Variants in RFX7 observed in about 807,000 individuals in gnomAD.
The protein encoded by RFX7 is regulatory factor X7, also known as DNA-binding protein RFX7.
A neutral mutation model predicts 111.8 loss-of-function variants in RFX7; 26 were observed. The observed-to-expected ratio is 0.23, with a 90% CI of 0.17 to 0.32. The LOEUF is 0.32. Ranked by LOEUF, RFX7 falls within the 10% of genes least tolerant of loss-of-function variation. RFX7 has a pLI of 1.00. For missense variants in RFX7, 1,573 were observed against 1,772.9 expected, an observed-to-expected ratio of 0.89 and a Z score of 2.02; for synonymous variants, 624 against 624.4, an observed-to-expected ratio of 1.00 and a Z score of 0.01.
At chr15:56,169,996 T>C (rs1192982680) in intron 3 of RFX7, among the ~76,000 whole-genome samples, 3 of 152,134 alleles carry the variant, frequency 2.0e-5, no homozygotes, top group African/African-American at 7.2e-5. Context: ...CCCAAAAATA[T>C]TTCCAAATAT....
chr15:56,094,693 C>T lies in RFX7; in HGVS notation c.3035G>A (p.Ser1012Asn). The T allele has an allele frequency of 6.2e-7, 1 of 1,613,934 alleles. No homozygotes were observed. Among genetic ancestry groups the T allele is most frequent in the Non-Finnish European group, 8.5e-7 (1 of 1,179,872 alleles). The stretch of plus-strand genomic sequence containing the variant: ...GCATTCAACAGGGCTGGGGGGGACA[C>T]TACTGCTGCAGTTAGAATGTGGAGT... ...IGTPHSNCSS[S>N]VPPSPVECRN... is the part of the protein sequence containing the mutation. The change falls in exon 10 of 10, where the codon AGT becomes AAT. Residue 1012 changes from serine (S) to asparagine (N), a missense_variant. Ser to Asn is a conservative substitution (Grantham distance 46, BLOSUM62 1). This residue lies in a region of RFX7 where 625 missense variants were observed against 632.2 expected (regional missense o/e 0.99). Transcript: ENST00000559447.
intron 2 of RFX7, among the ~76,000 whole-genome samples, chr15:56,213,874 T>C (rs184942738): frequency 3.3e-5 from 5 of 152,372 alleles, no homozygotes; most frequent in South Asian, 2.1e-4. Flanking sequence ...GTATATATTT[T>C]ATTCTAGTAT....
At chr15:56,243,040 G>GCGGCCCCC in intron 2 of RFX7, 85 bp downstream of exon 2, 2 of 570,718 alleles carry the variant, frequency 3.5e-6, no homozygotes, top group Non-Finnish European at 6.2e-6. Context: ...CTCCTCCTCC[G>GCGGCCCCC]CTCCCCCCGC....
chr15:56,119,454 C>A (rs2042047597), intron 5 of RFX7, among the ~76,000 whole-genome samples: 1 of 152,094 alleles, frequency 6.6e-6, no homozygotes, highest in Non-Finnish European at 1.5e-5. Context: ...TGTATTTCCC[C>A]AGTGTATGCT....
At chr15:56,240,811 G>C (rs2043681035) in intron 2 of RFX7, among the ~76,000 whole-genome samples, 1 of 151,988 alleles carries the variant, frequency 6.6e-6, no homozygotes, top group African/African-American at 2.4e-5. Context: ...TAATATTATT[G>C]TCTCAAAAAT....
At chr15:56,141,939 A>T (rs1273375588) in intron 5 of RFX7, among the ~76,000 whole-genome samples, 1 of 151,960 alleles carries the variant, frequency 6.6e-6, no homozygotes, top group Non-Finnish European at 1.5e-5. Context: ...TTGGTGAGGT[A>T]GTAAGAACTG....
intron 2 of RFX7, among the ~76,000 whole-genome samples, chr15:56,219,816 C>T (rs1189384263): frequency 6.6e-6 from 1 of 152,174 alleles, no homozygotes; most frequent in Non-Finnish European, 1.5e-5. Context: ...AATAGTGCTG[C>T]AGTGAAAATA....
chr15:56,241,918 G>A (rs886393400), intron 2 of RFX7, among the ~76,000 whole-genome samples: 7 of 152,172 alleles, frequency 4.6e-5, no homozygotes, highest in African/African-American at 7.2e-5. Context: ...CTTCATATCA[G>A]CATCATGACG....
chr15:56,116,130 T>C (rs1447158549), intron 5 of RFX7, among the ~76,000 whole-genome samples: 2 of 152,190 alleles, frequency 1.3e-5, no homozygotes, highest in Non-Finnish European at 2.9e-5. Flanking sequence ...AGTTATTCAA[T>C]AGTTGGGAAC....
At chr15:56,231,047 A>T (rs2043549927) in intron 2 of RFX7, among the ~76,000 whole-genome samples, 1 of 152,218 alleles carries the variant, frequency 6.6e-6, no homozygotes, top group African/African-American at 2.4e-5. Context: ...AAAAGATGTA[A>T]AGCAGGAATT....
At chr15:56,234,804 A>G (rs2043604839) in intron 2 of RFX7, among the ~76,000 whole-genome samples, 1 of 152,246 alleles carries the variant, frequency 6.6e-6, no homozygotes, top group African/African-American at 2.4e-5. Context: ...TTTCAGATAT[A>G]TTCAATCTCC....
intron 5 of RFX7, among the ~76,000 whole-genome samples, chr15:56,129,531 C>T (rs1400411727): frequency 6.6e-6 from 1 of 152,010 alleles, no homozygotes; most frequent in Non-Finnish European, 1.5e-5. Context: ...AGGAAAAAAA[C>T]TGTTGAACCT....
chr15:56,191,526 T>C lies in RFX7; in HGVS notation c.162-12223A>G, dbSNP rs1170291625. ...CTGCACTTTATAAAAGCAGATAACA[T>C]TTGACTTTTAAATATTTCATAATTT... On this transcript the variant is annotated intron_variant, in intron 2 of 9. Coordinates refer to ENST00000559447, the MANE Select transcript of RFX7 (RefSeq NM_022841.7). 1.3e-5 allele frequency among the ~76,000 whole-genome samples: 2 copies of C among 152,210 alleles called. 1 individual carries two copies. Among genetic ancestry groups the C allele is most frequent in the East Asian group, 3.8e-4 (2 of 5,204 alleles).
rs574657643 is a variant in RFX7 at position 56,160,877 on chromosome 15, G to A, written c.196-16394C>T. 3.9e-5 allele frequency: 6 copies of A among 152,080 alleles called. No homozygotes were observed. In the East Asian group the frequency reaches 1.2e-3, roughly 29 times the overall value. The allele number at this position is 152,080 out of a possible 1,614,324, so 9.4% of individuals were successfully genotyped here. A position where few individuals can be genotyped will look rare whatever the true frequency, so the allele number is the denominator to read the frequency against. On this transcript the variant is annotated intron_variant, in intron 3 of 9. Coordinates refer to ENST00000559447, the MANE Select transcript of RFX7 (RefSeq NM_022841.7). ...TCCTAACTTGTTATGAGGACCACTGGGGGTGGCAGGGATAAGTGATTTTCT... is the reference window on the plus strand; with the variant it reads ...TCCTAACTTGTTATGAGGACCACTGAGGGTGGCAGGGATAAGTGATTTTCT...
intron 5 of RFX7, among the ~76,000 whole-genome samples, chr15:56,116,448 C>T (rs1198659370): frequency 6.6e-6 from 1 of 152,086 alleles, no homozygotes; most frequent in African/African-American, 2.4e-5. Flanking sequence ...AGTGATCAGC[C>T]CTCAATTTTA....
Position 56,093,420 on chromosome 15 carries a change from G to A in RFX7, c.4308C>T (p.Ser1436=), listed in dbSNP as rs1184499458. Residue 1436 remains serine, a synonymous_variant, in exon 10 of 10, where the codon TCC becomes TCT. Transcript: ENST00000559447. ...AACCTGATGAAGTCATAGAATTCATGGATTCACTGCAAATTTGTTGAAATA... is the reference window on the plus strand; with the variant it reads ...AACCTGATGAAGTCATAGAATTCATAGATTCACTGCAAATTTGTTGAAATA... ...DPLFQQICSE[S]MNSMTSSGFE... 6.2e-7 allele frequency: 1 copy of A among 1,613,380 alleles called. No homozygotes were observed. The highest frequency in any genetic ancestry group is 8.5e-7 in the Non-Finnish European group (1 of 1,179,588).
intron 2 of RFX7, among the ~76,000 whole-genome samples, chr15:56,234,523 A>T (rs577038297): frequency 6.6e-6 from 1 of 152,220 alleles, no homozygotes; most frequent in East Asian, 1.9e-4. Context: ...TTGCTTTGAT[A>T]TATCTTATTA....
At chr15:56,141,594 G>A (rs1260353500) in intron 5 of RFX7, among the ~76,000 whole-genome samples, 1 of 143,280 alleles carries the variant, frequency 7.0e-6, no homozygotes, top group African/African-American at 2.7e-5. Context: ...TTGCTTCTTT[G>A]AAGTTTCGGA....
In RFX7 at chr15:56,243,580, C is replaced by A. The variant is rs1246569981; in HGVS notation, c.-138G>T. 10 of 834,530 alleles carry A rather than the reference C, an allele frequency of 1.2e-5. No individual in the cohort carries two copies. Among genetic ancestry groups the A allele is most frequent in the Non-Finnish European group, 1.4e-5 (10 of 693,666 alleles). 51.7% of individuals were successfully genotyped at this position (834,530 alleles called of 1,614,324 possible). On this transcript the variant is annotated 5_prime_UTR_variant, in exon 1 of 10. Transcript: ENST00000559447. ...CCTCAGCCCCCCGCTGGCGCCGCCGCCTCCTCCCGTCAGCGGCCGGGGCTG... is the reference window on the plus strand; with the variant it reads ...CCTCAGCCCCCCGCTGGCGCCGCCGACTCCTCCCGTCAGCGGCCGGGGCTG...
Sources: gnomAD v4.1 joint callset for allele counts (sites outside exome capture counted in the v4.1 genomes callset) on GRCh38, gnomAD v4.1.1 for gene constraint, gnomAD v4.1.1 regional missense constraint, MANE v1.5 for transcripts, NCBI Gene and HGNC (gene_info 2026-07-23, HGNC 2026-07-21) for gene names.